Variants in ATP6V0A2 observed in about 807,000 individuals in gnomAD.
ATP6V0A2 encodes the protein V-type proton ATPase 116 kDa subunit a 2.
Under a neutral mutation model 104.4 loss-of-function variants are expected in ATP6V0A2, and 58 were observed. The observed-to-expected ratio is 0.56, with a 90% CI of 0.45 to 0.69. The LOEUF (loss-of-function observed/expected upper bound fraction) is 0.69. ATP6V0A2 is among the 30% of genes least tolerant of loss of function. The pLI is 0.00. For missense variants in ATP6V0A2, 938 were observed against 1,062.9 expected, an observed-to-expected ratio of 0.88 and a Z score of 1.63; for synonymous variants, 376 against 397.9, an observed-to-expected ratio of 0.95 and a Z score of 0.65.
intron 7 of ATP6V0A2, 29 bp from the exon 8 acceptor site, chr12:123,735,502 T>G: frequency 1.3e-6 from 2 of 1,594,028 alleles, no homozygotes; most frequent in South Asian, 2.2e-5. Flanking sequence ...CTGACAGATG[T>G]GAGACTGTGT....
chr12:123,756,641 T>G (rs1593923217), intron 18 of ATP6V0A2, 174 bp from the exon 19 acceptor site: 2 of 646,082 alleles, frequency 3.1e-6, no homozygotes, highest in East Asian at 5.5e-5. Context: ...TGAGACCGTC[T>G]CGGAGCTGAC....
At chr12:123,718,834 T>C in intron 2 of ATP6V0A2, 133 bp downstream of exon 2, 1 of 645,842 alleles carries the variant, frequency 1.5e-6, no homozygotes, top group Non-Finnish European at 2.6e-6. Context: ...TCAGAAGTAA[T>C]CACAGTTATG....
Position 123,749,981 on chromosome 12 carries a change from C to G in ATP6V0A2, c.1936-1129C>G, listed in dbSNP as rs564362963. On this transcript the variant is annotated intron_variant, in intron 15 of 19. Coordinates refer to ENST00000330342, the MANE Select transcript of ATP6V0A2 (RefSeq NM_012463.4). ...CGTTGACGAGATGCATATTTGCGTTCTTTTTGAACTTTTTGTTTCTGTTTT... is the reference window on the plus strand; with the variant it reads ...CGTTGACGAGATGCATATTTGCGTTGTTTTTGAACTTTTTGTTTCTGTTTT... The G allele has an allele frequency of 9.1e-4, 138 of 152,096 alleles. 1 individual carries two copies. The highest frequency in any genetic ancestry group is 3.2e-3 in the African/African-American group (131 of 41,502). The allele number at this position is 152,096 out of a possible 1,614,324, so 9.4% of individuals were successfully genotyped here.
intron 1 of ATP6V0A2, 80 bp downstream of exon 1, chr12:123,712,762 G>T (rs1956305488): frequency 1.6e-6 from 2 of 1,243,084 alleles, no homozygotes; most frequent in Non-Finnish European, 2.3e-6. Context: ...GCCCTCCCGC[G>T]GGGAGCACCG....
rs966307300 is a variant in ATP6V0A2 at position 123,715,898 on chromosome 12, A to T, written c.118-2725A>T. Among the ~76,000 whole-genome samples, 4 of 152,160 alleles carry T rather than the reference A, an allele frequency of 2.6e-5. No individual in the cohort carries two copies. The East Asian group carries it at 7.7e-4, about 29-fold the overall frequency. The stretch of plus-strand genomic sequence containing the variant: ...ATTAAATATTCTTTTACAACTTTTT[A>T]AAATTGTTTTAAACTTTATATTATA... On this transcript the variant is annotated intron_variant, in intron 1 of 19. Transcript: ENST00000330342.
chr12:123,743,159 G>A (rs747028968), intron 9 of ATP6V0A2, among the ~76,000 whole-genome samples: 1 of 152,002 alleles, frequency 6.6e-6, no homozygotes, highest in Non-Finnish European at 1.5e-5. Context: ...CACGTGCCCC[G>A]CATTCCCCAG....
chr12:123,734,706 C>G (rs1251552928), intron 7 of ATP6V0A2, among the ~76,000 whole-genome samples: 3 of 152,204 alleles, frequency 2.0e-5, no homozygotes, highest in East Asian at 3.9e-4. Context: ...TTCTTCCCCC[C>G]ATGGACAACT....
intron 2 of ATP6V0A2, among the ~76,000 whole-genome samples, chr12:123,720,956 C>G (rs373768357): frequency 2.0e-5 from 3 of 152,094 alleles, no homozygotes; most frequent in Non-Finnish European, 4.4e-5. Context: ...GCTTCCTTTG[C>G]TATCTTGGTA....
At chr12:123,747,988 G>C (rs1318689861) in intron 14 of ATP6V0A2, among the ~76,000 whole-genome samples, 3 of 152,124 alleles carry the variant, frequency 2.0e-5, no homozygotes, top group Non-Finnish European at 4.4e-5. Context: ...AAAAGTTGTT[G>C]CCCCAGTGGA....
At position 123,747,661 on chromosome 12, in the gene ATP6V0A2, A is replaced by C. The variant is rs375553582; in HGVS notation, c.1660A>C (p.Met554Leu). 6.2e-7 allele frequency: 1 copy of C among 1,613,842 alleles called. No homozygotes were observed. Among genetic ancestry groups the C allele is most frequent in the African/African-American group, 1.3e-5 (1 of 74,924 alleles). The change falls in exon 14 of 20, where the codon ATG (methionine) becomes CTG (leucine). Residue 554 changes from methionine to leucine, a missense_variant. Met to Leu is a conservative substitution (Grantham distance 15). Coordinates refer to ENST00000330342, the MANE Select transcript of ATP6V0A2 (RefSeq NM_012463.4). The part of the protein sequence containing the change: ...LTFLNSFKMK[M>L]SVILGIIHMT... ...TTTTCTAAACTCTTTCAAAATGAAA[A>C]TGTCCGTGATTTTAGGAATCATTCA... is the stretch of plus-strand genomic sequence containing the variant.
chr12:123,722,191 G>A (rs1340669443), intron 2 of ATP6V0A2, among the ~76,000 whole-genome samples, 160 bp from the exon 3 acceptor site: 1 of 152,162 alleles, frequency 6.6e-6, no homozygotes, highest in Non-Finnish European at 1.5e-5. Flanking sequence ...AAACAAGGTT[G>A]CAAAAAGTGA....
At position 123,744,140 on chromosome 12, in the gene ATP6V0A2, A is replaced by G; in HGVS notation, c.1190-61A>G. The G allele has an allele frequency of 6.2e-7, 1 of 1,606,510 alleles. No individual in the cohort carries two copies. Among genetic ancestry groups the G allele is most frequent in the Non-Finnish European group, 8.5e-7 (1 of 1,173,546 alleles). On this transcript the variant is annotated intron_variant, in intron 10 of 19. Transcript: ENST00000330342. The surrounding 1 kb of genome is among the most constrained non-coding windows in gnomAD (Gnocchi z 5.4). The stretch of plus-strand genomic sequence containing the variant: ...AGATTGTTATGTATCATTGTGTTTG[A>G]ATGAACTCAGGTTTTCCATATTTGC...
At chr12:123,736,358 A>AT (rs1430429355) in intron 8 of ATP6V0A2, among the ~76,000 whole-genome samples, 1 of 150,954 alleles carries the variant, frequency 6.6e-6, no homozygotes, top group Admixed American at 6.6e-5. Context: ...CACCCTGCTA[A>AT]TTTTTTTGTA....
At chr12:123,751,766 TC>T (rs928353251) in intron 16 of ATP6V0A2, among the ~76,000 whole-genome samples, 35 of 152,322 alleles carry the variant, frequency 2.3e-4, no homozygotes, top group African/African-American at 8.2e-4. Context: ...ACTCAGTCCT[TC>T]AGTTCAGATG....
chr12:123,725,424 A>G (rs1324065635), intron 4 of ATP6V0A2, among the ~76,000 whole-genome samples: 2 of 152,164 alleles, frequency 1.3e-5, no homozygotes, highest in African/African-American at 4.8e-5. Flanking sequence ...AAGGATGTTG[A>G]ACTCTAAAAT....
rs1388667346 is a variant in ATP6V0A2, at chr12:123,727,892, C to G, written c.631C>G (p.Leu211Val). Residue 211 changes from leucine (L) to valine (V), a missense_variant, in exon 6 of 20, where the codon CTT (leucine) becomes GTT (valine). Leu to Val is a conservative substitution (Grantham distance 32). Coordinates refer to ENST00000330342, the MANE Select transcript of ATP6V0A2 (RefSeq NM_012463.4). ...IVSYAELDES[L>V]EDPETGEVIK... ...GTCCTATGCAGAACTGGATGAATCC[C>G]TTGAAGACCCTGAAACAGTGAGTAA... 5.0e-6 allele frequency: 8 copies of G among 1,614,170 alleles called. No homozygotes were observed. Among genetic ancestry groups the G allele is most frequent in the Non-Finnish European group, 6.8e-6 (8 of 1,180,020 alleles).
In ATP6V0A2 at chr12:123,760,071, C is replaced by G. The variant is rs886049069; in HGVS notation, c.*2039C>G. Reference sequence around the variant, plus strand: ...GTGTTACTTTGCTCCAGGGGTCTGTCATAAAAACAATGGTAACTACTTCAT... The same window carrying G: ...GTGTTACTTTGCTCCAGGGGTCTGTGATAAAAACAATGGTAACTACTTCAT... On this transcript the variant is annotated 3_prime_UTR_variant, in exon 20 of 20. Coordinates refer to ENST00000330342, the MANE Select transcript of ATP6V0A2 (RefSeq NM_012463.4). 6.6e-6 allele frequency: 1 copy of G among 152,166 alleles called. No homozygotes were observed. Among genetic ancestry groups the G allele is most frequent in the East Asian group, 1.9e-4 (1 of 5,192 alleles). 9.4% of individuals were successfully genotyped at this position (152,166 alleles called of 1,614,324 possible). A position where few individuals can be genotyped will look rare whatever the true frequency, so the allele number is the denominator to read the frequency against.
chr12:123,755,364 C>G (rs1356437819), intron 18 of ATP6V0A2, among the ~76,000 whole-genome samples: 1 of 151,872 alleles, frequency 6.6e-6, no homozygotes, highest in Non-Finnish European at 1.5e-5. Flanking sequence ...ATGGCAAAAC[C>G]ATCTCTACTA....
chr12:123,734,008 G>T lies in ATP6V0A2; in HGVS notation c.731G>T (p.Cys244Phe). ...IGHKVKKICD[C>F]YHCHVYPYPN... The stretch of plus-strand genomic sequence containing the variant: ...CACAAGGTTAAGAAGATATGTGATT[G>T]GTAAGAAAAAGAAACATTTCATTTC... Residue 244 changes from cysteine to phenylalanine, a missense_variant and splice_region_variant, in exon 7 of 20, where the codon TGC becomes TTC. Cys to Phe is a radical substitution (Grantham distance 205). Coordinates refer to ENST00000330342, the MANE Select transcript of ATP6V0A2 (RefSeq NM_012463.4). 1.2e-6 allele frequency: 2 copies of T among 1,609,756 alleles called. No homozygotes were observed. The highest frequency in any genetic ancestry group is 8.5e-7 in the Non-Finnish European group (1 of 1,176,544).
Sources: gnomAD v4.1 joint callset for allele counts (sites outside exome capture counted in the v4.1 genomes callset) on GRCh38, gnomAD v4.1.1 for gene constraint, Gnocchi (gnomAD v3.1) non-coding constraint, MANE v1.5 for transcripts, NCBI Gene and HGNC (gene_info 2026-07-23, HGNC 2026-07-21) for gene names.